Variants in MALRD1 observed in about 807,000 individuals in gnomAD.
MALRD1 encodes the protein MAM and LDL receptor class A domain containing 1.
In MALRD1, 247 loss-of-function variants were observed where a neutral mutation model predicts 242.1. The observed-to-expected ratio is 1.02, with a 90% CI of 0.92 to 1.13. The LOEUF (loss-of-function observed/expected upper bound fraction) is 1.13, where lower values mean the gene tolerates loss of function less well. Ranked by LOEUF, MALRD1 falls within the 50% of genes most tolerant of loss-of-function variation. The pLI, the probability that MALRD1 is intolerant of heterozygous loss-of-function variation, is 0.00. For missense variants in MALRD1, 2,989 were observed against 2,533.1 expected, an observed-to-expected ratio of 1.18 and a Z score of -3.86; for synonymous variants, 995 against 866.6, an observed-to-expected ratio of 1.15 and a Z score of -2.60.
At chr10:19,134,704 T>C (rs1469085626) in intron 9 of MALRD1, among the ~76,000 whole-genome samples, 1 of 152,218 alleles carries the variant, frequency 6.6e-6, no homozygotes, top group Non-Finnish European at 1.5e-5. Context: ...CTGATATCTG[T>C]TTTTATAACT....
At chr10:19,561,892 C>A (rs1033289760) in intron 32 of MALRD1, among the ~76,000 whole-genome samples, 2 of 152,054 alleles carry the variant, frequency 1.3e-5, no homozygotes, top group Non-Finnish European at 2.9e-5. Context: ...AAATAGTTTG[C>A]CTTAAGGGCA....
chr10:19,603,999 A>G lies in MALRD1; in HGVS notation c.5945-3778A>G, dbSNP rs888598823. ...CAATATTGCAGTTTGGCCAACTACA[A>G]TAGCTTCTACGTATTCAAGTGAAAG... On this transcript the variant is annotated intron_variant, in intron 34 of 39. Transcript: ENST00000454679. Among the ~76,000 whole-genome samples the G allele has an allele frequency of 1.2e-4, 18 of 152,156 alleles. 1 individual carries two copies. The highest frequency in any genetic ancestry group is 9.8e-4 in the Admixed American group (15 of 15,268).
At chr10:19,337,858 C>T (rs569586293) in intron 24 of MALRD1, among the ~76,000 whole-genome samples, 2 of 151,836 alleles carry the variant, frequency 1.3e-5, no homozygotes, top group East Asian at 1.9e-4. Flanking sequence ...GTCAGGAGAT[C>T]AAGACCATCC....
chr10:19,294,151 C>A (rs1564537304), intron 21 of MALRD1, among the ~76,000 whole-genome samples: 1 of 152,092 alleles, frequency 6.6e-6, no homozygotes, highest in African/African-American at 2.4e-5. Flanking sequence ...CAATTGCATT[C>A]AAAAATTAAA....
At chr10:19,507,951 G>C (rs1190715854) in intron 31 of MALRD1, among the ~76,000 whole-genome samples, 1 of 152,116 alleles carries the variant, frequency 6.6e-6, no homozygotes, top group African/African-American at 2.4e-5. Context: ...TAGGTGCTTG[G>C]AATATCTGTT....
intron 36 of MALRD1, among the ~76,000 whole-genome samples, chr10:19,683,942 C>A (rs1037054428): frequency 1.3e-5 from 2 of 152,042 alleles, no homozygotes; most frequent in South Asian, 2.1e-4. Flanking sequence ...CCTCACCCCC[C>A]AGCAGGCCCC....
At chr10:19,550,778 A>G (rs1305668818) in intron 32 of MALRD1, among the ~76,000 whole-genome samples, 4 of 152,132 alleles carry the variant, frequency 2.6e-5, no homozygotes, top group African/African-American at 9.7e-5. Context: ...TGTCTTTGCT[A>G]CCATTAATAG....
At chr10:19,176,870 ATGTG>A (rs139103707) in intron 14 of MALRD1, among the ~76,000 whole-genome samples, 28,744 of 148,990 alleles carry the variant, frequency 0.19, 2,958 homozygotes, top group Admixed American at 0.27. Context: ...GCATGTGTGC[ATGTG>A]TGTGTGTGTG....
At chr10:19,167,057 A>G (rs572597625) in intron 13 of MALRD1, among the ~76,000 whole-genome samples, 1 of 152,172 alleles carries the variant, frequency 6.6e-6, no homozygotes, top group Non-Finnish European at 1.5e-5. Context: ...TGGGCTCTGG[A>G]AACTTGGGTT....
chr10:19,664,708 A>G (rs767805120), intron 36 of MALRD1, among the ~76,000 whole-genome samples: 1 of 151,762 alleles, frequency 6.6e-6, no homozygotes, highest in Non-Finnish European at 1.5e-5. Context: ...TATATTTATT[A>G]TAAATAATTT....
intron 36 of MALRD1, among the ~76,000 whole-genome samples, chr10:19,686,116 A>G (rs1015082105): frequency 6.6e-6 from 1 of 152,188 alleles, no homozygotes; most frequent in African/African-American, 2.4e-5. Context: ...CAGAGGAAAG[A>G]CACAGGCAAG....
intron 36 of MALRD1, among the ~76,000 whole-genome samples, chr10:19,687,178 T>C (rs984642636): frequency 1.3e-5 from 2 of 152,202 alleles, no homozygotes; most frequent in South Asian, 2.1e-4. Context: ...TTTAGACTGA[T>C]GTGTCTTAGT....
At chr10:19,553,747 A>G (rs1835594114) in intron 32 of MALRD1, among the ~76,000 whole-genome samples, 1 of 152,170 alleles carries the variant, frequency 6.6e-6, no homozygotes, top group Non-Finnish European at 1.5e-5. Flanking sequence ...GAGGTAGCAT[A>G]CATGATGTTG....
chr10:19,393,684 C>G (rs1204195116), intron 28 of MALRD1, among the ~76,000 whole-genome samples: 1 of 151,520 alleles, frequency 6.6e-6, no homozygotes, highest in Non-Finnish European at 1.5e-5. Flanking sequence ...TCTCCATCGC[C>G]TGACCTCGTG....
At position 19,390,255 on chromosome 10, in the gene MALRD1, C is replaced by A; in HGVS notation, c.4845+646C>A. ...AATTATTTGTGCATCTGAAAGAAGA[C>A]CGGCTATCCATTTTTCCTCACAGAT... On this transcript the variant is annotated intron_variant, in intron 28 of 39. Transcript: ENST00000454679. Among the ~76,000 whole-genome samples, 2 of 152,164 alleles carry A rather than the reference C, an allele frequency of 1.3e-5. 1 individual carries two copies. The highest frequency in any genetic ancestry group is 2.9e-5 in the Non-Finnish European group (2 of 68,020).
chr10:19,644,039 C>G (rs1840534953), intron 36 of MALRD1, among the ~76,000 whole-genome samples: 1 of 152,176 alleles, frequency 6.6e-6, no homozygotes. Flanking sequence ...CCTCTTGCCT[C>G]TTCGGCTTTT....
At chr10:19,158,975 C>T (rs1834281647) in intron 12 of MALRD1, among the ~76,000 whole-genome samples, 1 of 152,124 alleles carries the variant, frequency 6.6e-6, no homozygotes, top group Non-Finnish European at 1.5e-5. Context: ...TGTGTTTAAT[C>T]CAAAGATCAA....
intron 31 of MALRD1, among the ~76,000 whole-genome samples, chr10:19,522,773 G>A (rs922398937): frequency 2.0e-5 from 3 of 152,100 alleles, no homozygotes; most frequent in Non-Finnish European, 4.4e-5. Context: ...AAGTCACAAA[G>A]CTTATAAGAA....
intron 35 of MALRD1, among the ~76,000 whole-genome samples, chr10:19,610,557 A>G (rs1393096561): frequency 6.6e-6 from 1 of 152,014 alleles, no homozygotes; most frequent in Non-Finnish European, 1.5e-5. Flanking sequence ...AGGTGTATAT[A>G]TCTCTTCAAA....
Sources: gnomAD v4.1 joint callset for allele counts (sites outside exome capture counted in the v4.1 genomes callset) on GRCh38, gnomAD v4.1.1 for gene constraint, MANE v1.5 for transcripts, NCBI Gene and HGNC (gene_info 2026-07-23, HGNC 2026-07-21) for gene names.